Variants in TLL2 observed in about 807,000 individuals in gnomAD.
TLL2 encodes tolloid-like protein 2.
Under a neutral mutation model 123.0 loss-of-function variants are expected in TLL2, and 106 were observed. That is an observed-to-expected ratio of 0.86 (90% CI 0.74 to 1.01). TLL2 has a LOEUF of 1.01. Ranked by LOEUF, TLL2 falls within the 50% of genes least tolerant of loss-of-function variation. TLL2 has a pLI of 0.00. For missense variants in TLL2, 1,332 were observed against 1,336.7 expected (o/e 1.00, Z 0.06); for synonymous variants, 494 against 516.8 (o/e 0.96, Z 0.60).
chr10:96,513,089 A>C (rs1847647819), intron 1 of TLL2, among the ~76,000 whole-genome samples: 1 of 152,208 alleles, frequency 6.6e-6, no homozygotes, highest in African/African-American at 2.4e-5. Context: ...CGAAACTTAA[A>C]AATGCTGTGA....
intron 17 of TLL2, 99 bp from the exon 18 acceptor site, chr10:96,376,918 T>A: frequency 7.6e-7 from 1 of 1,311,342 alleles, no homozygotes; most frequent in Non-Finnish European, 1.0e-6. Flanking sequence ...CTCCTAATTG[T>A]CTCAGGGTCT....
In TLL2 at chr10:96,480,429, T is replaced by G. The variant is rs1333065453; in HGVS notation, c.206A>C (p.Glu69Ala). The G allele has an allele frequency of 3.1e-6, 5 of 1,614,102 alleles. No homozygotes were observed. The highest frequency in any genetic ancestry group is 4.2e-6 in the Non-Finnish European group (5 of 1,180,052). The change falls in exon 2 of 21, where the codon GAA (glutamate) becomes GCA (alanine). Residue 69 changes from glutamate (E) to alanine (A), a missense_variant. Physicochemically the swap from Glu to Ala is moderately radical, Grantham distance 107. Coordinates refer to ENST00000357947, the MANE Select transcript of TLL2 (RefSeq NM_012465.4). Reference protein sequence around the residue: ...AVFWGDIALDEDDLKLFHIDK... With the variant: ...AVFWGDIALDADDLKLFHIDK... ...AATGTGAAACAGCTTCAAGTCATCT[T>G]CATCTAAGGCAATGTCTCCCCAAAA...
intron 2 of TLL2, among the ~76,000 whole-genome samples, chr10:96,454,897 G>A (rs1392331619): frequency 3.9e-5 from 6 of 152,178 alleles, no homozygotes; most frequent in Non-Finnish European, 8.8e-5. Flanking sequence ...AGCTGAGGAA[G>A]AAGTTCAAGT....
intron 3 of TLL2, among the ~76,000 whole-genome samples, chr10:96,438,365 T>C (rs1336596164): frequency 6.6e-6 from 1 of 152,256 alleles, no homozygotes; most frequent in African/African-American, 2.4e-5. Flanking sequence ...TCATCTTCTT[T>C]GGAGTGATTG....
At chr10:96,441,234 C>T (rs1270800585) in intron 3 of TLL2, among the ~76,000 whole-genome samples, 3 of 152,206 alleles carry the variant, frequency 2.0e-5, no homozygotes, top group African/African-American at 7.2e-5. Flanking sequence ...GTCATTCCCA[C>T]ACGGGAAGTA....
At chr10:96,445,005 C>T (rs373611587) in intron 3 of TLL2, among the ~76,000 whole-genome samples, 15 of 152,132 alleles carry the variant, frequency 9.9e-5, no homozygotes, top group South Asian at 2.1e-4. Context: ...CTGGCTAACA[C>T]GGTGAAACCC....
intron 2 of TLL2, among the ~76,000 whole-genome samples, chr10:96,476,706 T>C (rs936767299): frequency 1.3e-5 from 2 of 151,974 alleles, no homozygotes; most frequent in Admixed American, 6.5e-5. Context: ...GTTAGGTAAA[T>C]CATGGCAGAG....
intron 1 of TLL2, among the ~76,000 whole-genome samples, chr10:96,509,457 T>C (rs1847606845): frequency 6.6e-6 from 1 of 152,202 alleles, no homozygotes; most frequent in Non-Finnish European, 1.5e-5. Flanking sequence ...TTCTGTAAGC[T>C]CCTCAAAGGC....
At chr10:96,494,437 C>G (rs1428820163) in intron 1 of TLL2, among the ~76,000 whole-genome samples, 2 of 152,248 alleles carry the variant, frequency 1.3e-5, no homozygotes, top group Admixed American at 1.3e-4. Context: ...ATGCCCTGCC[C>G]TGCCCCAGGG....
rs559833641 is a variant in TLL2, at chr10:96,430,876, T to C, written c.520+1931A>G. On this transcript the variant is annotated intron_variant, in intron 4 of 20. Coordinates refer to ENST00000357947, the MANE Select transcript of TLL2 (RefSeq NM_012465.4). ...CAGCCTGGGCAACAGAGTAAGACCC[T>C]GTCTCAAAAAAATAAAAGAAAGAAA... is the stretch of plus-strand genomic sequence containing the variant. Among the ~76,000 whole-genome samples the C allele has an allele frequency of 3.3e-5, 5 of 152,226 alleles. No homozygotes were observed. In the East Asian group the frequency reaches 9.6e-4, roughly 29 times the overall value.
intron 3 of TLL2, among the ~76,000 whole-genome samples, chr10:96,445,005 C>A (rs373611587): frequency 2.6e-5 from 4 of 152,016 alleles, no homozygotes; most frequent in Non-Finnish European, 5.9e-5. Context: ...CTGGCTAACA[C>A]GGTGAAACCC....
chr10:96,415,745 C>CTG (rs1846552498), intron 7 of TLL2, among the ~76,000 whole-genome samples: 2 of 98,674 alleles, frequency 2.0e-5, no homozygotes, highest in African/African-American at 4.3e-5. Flanking sequence ...CTCTGTCTCT[C>CTG]TCTCTCTCTC....
At chr10:96,446,661 C>T (rs560392148) in intron 2 of TLL2, among the ~76,000 whole-genome samples, 2 of 152,312 alleles carry the variant, frequency 1.3e-5, no homozygotes, top group East Asian at 3.9e-4. Flanking sequence ...CGGGTTTCCT[C>T]TGTGGGGTAA....
chr10:96,423,421 G>A (rs1487967227), intron 5 of TLL2, among the ~76,000 whole-genome samples: 1 of 152,156 alleles, frequency 6.6e-6, no homozygotes, highest in African/African-American at 2.4e-5. Flanking sequence ...TATAATGCAT[G>A]CAACTTGGTG....
intron 1 of TLL2, among the ~76,000 whole-genome samples, chr10:96,497,891 T>C (rs1442104634): frequency 6.6e-6 from 1 of 152,270 alleles, no homozygotes. Flanking sequence ...TAGGGATGAC[T>C]ACTTTGGCCT....
At chr10:96,393,621 T>A (rs918763593) in intron 13 of TLL2, among the ~76,000 whole-genome samples, 1 of 152,190 alleles carries the variant, frequency 6.6e-6, no homozygotes, top group Non-Finnish European at 1.5e-5. Context: ...AGGGTGGGAT[T>A]GGGGCTGTGA....
intron 18 of TLL2, chr10:96,374,328 C>T (rs931596535): frequency 1.8e-5 from 3 of 162,614 alleles, no homozygotes; most frequent in South Asian, 1.8e-4. Context: ...TGAGGCTCAT[C>T]GCTGTCAGAT....
At chr10:96,441,107 C>T (rs1354636604) in intron 3 of TLL2, among the ~76,000 whole-genome samples, 3 of 152,182 alleles carry the variant, frequency 2.0e-5, no homozygotes, top group Non-Finnish European at 2.9e-5. Context: ...AAGAGCAAAG[C>T]GGTTGTTGCT....
intron 5 of TLL2, among the ~76,000 whole-genome samples, chr10:96,426,871 C>T (rs1256542326): frequency 2.6e-5 from 4 of 152,020 alleles, no homozygotes; most frequent in Non-Finnish European, 5.9e-5. Flanking sequence ...TGTCTGTTTC[C>T]TTGTGCTCTC....
Sources: allele counts gnomAD v4.1 joint callset (sites outside exome capture counted in the v4.1 genomes callset), GRCh38; gene constraint gnomAD v4.1.1; transcripts MANE v1.5; gene names NCBI Gene and HGNC (gene_info 2026-07-23, HGNC 2026-07-21).